Variants in FGF14 observed in about 807,000 individuals in gnomAD.
FGF14 encodes fibroblast growth factor homologous factor 4.
FGF14 carries 5 observed loss-of-function variants against 25.5 expected under a neutral mutation model. That is an observed-to-expected ratio of 0.20 (90% confidence interval 0.10 to 0.41). The LOEUF is 0.41. Among genes scored for constraint, FGF14 ranks in the 10% least tolerant of loss-of-function variants. FGF14 has a pLI of 1.00. For synonymous variants in FGF14, 138 were observed against 118.3 expected (o/e 1.17, Z -1.08); for missense variants, 222 against 320.1 (o/e 0.69, Z 2.34).
chr13:102,023,905 A>C (rs1234632064), intron 1 of FGF14, among the ~76,000 whole-genome samples: 1 of 152,070 alleles, frequency 6.6e-6, no homozygotes, highest in African/African-American at 2.4e-5. Flanking sequence ...GTGGGAGAAG[A>C]TAAACAAGAA....
rs545032879 is a variant in FGF14, at chr13:102,054,045, T to C, written c.209-178749A>G. Among the ~76,000 whole-genome samples the C allele has an allele frequency of 3.9e-5, 6 of 152,282 alleles. No individual in the cohort carries two copies. In the East Asian group the frequency reaches 1.2e-3, roughly 29 times the overall value. ...ATATTTATTTCATGGTTGATATACA[T>C]GTCACCATAGCTATGGACATTTACT... On this transcript the variant is annotated intron_variant, in intron 1 of 4. Coordinates refer to the FGF14 transcript ENST00000376131.
At chr13:101,993,068 A>G (rs556632146) in intron 1 of FGF14, among the ~76,000 whole-genome samples, 6 of 152,096 alleles carry the variant, frequency 3.9e-5, no homozygotes, top group African/African-American at 1.4e-4. Flanking sequence ...AGAAAATCTC[A>G]AAAGAAGCCA....
At position 102,177,882 on chromosome 13, in the gene FGF14, C is replaced by T. The variant is rs568010440; in HGVS notation, c.208+223589G>A. On this transcript the variant is annotated intron_variant, in intron 1 of 4. Coordinates refer to the FGF14 transcript ENST00000376131. ...TAAATGTGTTGTTAGAGAAAATATG[C>T]AAATCCTGAATTATATCTTCAATAA... Among the ~76,000 whole-genome samples the T allele has an allele frequency of 1.6e-4, 25 of 152,070 alleles. No individual in the cohort carries two copies. The South Asian group carries it at 1.9e-3, about 11-fold the overall frequency.
chr13:102,328,570 G>A (rs563713531), intron 1 of FGF14, among the ~76,000 whole-genome samples: 1 of 152,160 alleles, frequency 6.6e-6, no homozygotes, highest in South Asian at 2.1e-4. Context: ...TCCATTCATG[G>A]AGCTCCCACC....
Position 101,715,087 on chromosome 13 carries a change from C to CTT in FGF14, c.*7743_*7744insAA, listed in dbSNP as rs1555368536. 6.0e-6 allele frequency: 1 copy of CTT among 166,798 alleles called. No homozygotes were observed. The highest frequency in any genetic ancestry group is 1.3e-5 in the Non-Finnish European group (1 of 76,976). 10.3% of individuals were successfully genotyped at this position (166,798 alleles called of 1,614,324 possible). Reference sequence around the variant, plus strand: ...TAGCCAAGTTACGAGGAAACAGAGACATGTATACTTCTCCTCAGCTCTAGC... The same window carrying CTT: ...TAGCCAAGTTACGAGGAAACAGAGACTTATGTATACTTCTCCTCAGCTCTAGC... On this transcript the variant is annotated 3_prime_UTR_variant, in exon 5 of 5. Coordinates refer to ENST00000376143, the MANE Select transcript of FGF14 (RefSeq NM_004115.4).
rs2034819428 is a variant in FGF14 at position 101,718,838 on chromosome 13, C to T, written c.*3993G>A. ...CTTAGTTTGCAGACTCAACTGTCAA[C>T]ACTTTGAAACCCTACTCCATATTCA... On this transcript the variant is annotated 3_prime_UTR_variant, in exon 5 of 5. Transcript: ENST00000376143. The T allele has an allele frequency of 6.6e-6, 1 of 151,262 alleles. No homozygotes were observed. The highest frequency in any genetic ancestry group is 1.5e-5 in the Non-Finnish European group (1 of 67,886). 9.4% of individuals were successfully genotyped at this position (151,262 alleles called of 1,614,324 possible).
At chr13:102,264,699 C>CA (rs1176112875) in intron 1 of FGF14, among the ~76,000 whole-genome samples, 1 of 152,032 alleles carries the variant, frequency 6.6e-6, no homozygotes, top group Admixed American at 6.6e-5. Context: ...ACACCTGAGT[C>CA]AAAAAGGGCA....
intron 3 of FGF14, among the ~76,000 whole-genome samples, chr13:101,789,968 T>A (rs2040138523): frequency 6.6e-6 from 1 of 151,778 alleles, no homozygotes; most frequent in Admixed American, 6.6e-5. Flanking sequence ...TAATGTATAC[T>A]GAAAGAGGCT....
At chr13:101,805,650 T>C (rs1330449212) in intron 3 of FGF14, among the ~76,000 whole-genome samples, 1 of 152,128 alleles carries the variant, frequency 6.6e-6, no homozygotes, top group East Asian at 1.9e-4. Context: ...TATATAATAT[T>C]CTTTTTAAGA....
At chr13:102,087,414 T>TTTC (rs1156910422) in intron 1 of FGF14, among the ~76,000 whole-genome samples, 1 of 132,928 alleles carries the variant, frequency 7.5e-6, no homozygotes. Flanking sequence ...TTTCTTTTTT[T>TTTC]TTTTTTTTTT....
intron 3 of FGF14, among the ~76,000 whole-genome samples, chr13:101,839,993 C>T (rs2043120204): frequency 6.6e-6 from 1 of 151,880 alleles, no homozygotes; most frequent in African/African-American, 2.4e-5. Flanking sequence ...CCCTTTAACT[C>T]CAGCAGTTTA....
intron 3 of FGF14, among the ~76,000 whole-genome samples, chr13:101,811,644 GGATT>G (rs1222991300): frequency 1.1e-4 from 16 of 152,328 alleles, no homozygotes; most frequent in South Asian, 8.3e-4. Flanking sequence ...CATGATTGCT[GGATT>G]GATTGTGTGG....
chr13:102,191,826 T>C (rs1176994984), intron 1 of FGF14, among the ~76,000 whole-genome samples: 1 of 152,156 alleles, frequency 6.6e-6, no homozygotes, highest in Non-Finnish European at 1.5e-5. Context: ...TGTAAAACCA[T>C]ACAAGTTATG....
chr13:101,720,370 C>T lies in FGF14; in HGVS notation c.*2461G>A, dbSNP rs1224692093. ...TAGGGATAAATGCCCTTATAGACAC[C>T]CCATATATAAAACACAACAGAGATA... is the stretch of plus-strand genomic sequence containing the variant. On this transcript the variant is annotated 3_prime_UTR_variant, in exon 5 of 5. Transcript: ENST00000376143. 6.6e-6 allele frequency: 1 copy of T among 151,982 alleles called. No individual in the cohort carries two copies. Among genetic ancestry groups the T allele is most frequent in the East Asian group, 1.9e-4 (1 of 5,172 alleles). The allele number at this position is 151,982 out of a possible 1,614,324, so 9.4% of individuals were successfully genotyped here. A position where few individuals can be genotyped will look rare whatever the true frequency, so the allele number is the denominator to read the frequency against.
intron 1 of FGF14, among the ~76,000 whole-genome samples, chr13:101,954,419 A>G (rs1427131293): frequency 6.6e-6 from 1 of 152,244 alleles, no homozygotes; most frequent in Non-Finnish European, 1.5e-5. Context: ...GCTTGAGAGA[A>G]GACAGGCCCT....
At chr13:102,047,320 TAATAAG>T (rs1042929550) in intron 1 of FGF14, among the ~76,000 whole-genome samples, 29 of 152,226 alleles carry the variant, frequency 1.9e-4, no homozygotes, top group African/African-American at 7.0e-4. Context: ...GGTTTAAGAA[TAATAAG>T]AATAATAATG....
intron 1 of FGF14, among the ~76,000 whole-genome samples, chr13:102,310,706 G>A (rs1175630447): frequency 1.1e-3 from 55 of 51,206 alleles, no homozygotes; most frequent in African/African-American, 3.7e-3. Flanking sequence ...TGGGGGGGGG[G>A]GGGTGGGGGT....
At chr13:101,905,095 A>T (rs1201129820) in intron 1 of FGF14, among the ~76,000 whole-genome samples, 2 of 152,168 alleles carry the variant, frequency 1.3e-5, no homozygotes, top group Non-Finnish European at 2.9e-5. Flanking sequence ...TTTTAAAACT[A>T]TTGTCCCATG....
At chr13:101,831,173 T>C (rs1408275605) in intron 3 of FGF14, among the ~76,000 whole-genome samples, 1 of 152,082 alleles carries the variant, frequency 6.6e-6, no homozygotes, top group Non-Finnish European at 1.5e-5. Context: ...TTTTTGAGAA[T>C]GAAATGAAAC....
Sources: allele counts gnomAD v4.1 joint callset (sites outside exome capture counted in the v4.1 genomes callset), GRCh38; gene constraint gnomAD v4.1.1; transcripts MANE v1.5; gene names NCBI Gene and HGNC (gene_info 2026-07-23, HGNC 2026-07-21).